Variants in MALRD1 observed in about 807,000 individuals in gnomAD.
The protein encoded by MALRD1 is MAM and LDL receptor class A domain containing 1.
In MALRD1, 247 loss-of-function variants were observed where a neutral mutation model predicts 242.1. That is an observed-to-expected ratio of 1.02 (90% CI 0.92 to 1.13). The LOEUF is 1.13. MALRD1 is among the 50% of genes most tolerant of loss of function. The pLI is 0.00. For synonymous variants in MALRD1, 995 were observed against 866.6 expected, an observed-to-expected ratio of 1.15 and a Z score of -2.60; for missense variants, 2,989 against 2,533.1, an observed-to-expected ratio of 1.18 and a Z score of -3.86.
chr10:19,299,161 A>T (rs1841835631), intron 21 of MALRD1, among the ~76,000 whole-genome samples: 1 of 152,000 alleles, frequency 6.6e-6, no homozygotes, highest in Non-Finnish European at 1.5e-5. Flanking sequence ...TATAGGCTAT[A>T]TGAAATAATA....
intron 28 of MALRD1, among the ~76,000 whole-genome samples, chr10:19,445,589 G>A (rs1382390576): frequency 6.6e-6 from 1 of 152,204 alleles, no homozygotes; most frequent in Admixed American, 6.5e-5. Context: ...CTGTTTACCT[G>A]GGTATCACCA....
At chr10:19,282,136 C>A (rs1009439884) in intron 20 of MALRD1, among the ~76,000 whole-genome samples, 1 of 151,980 alleles carries the variant, frequency 6.6e-6, no homozygotes, top group Non-Finnish European at 1.5e-5. Context: ...TATTAAAAGC[C>A]TACAAATTAT....
intron 29 of MALRD1, among the ~76,000 whole-genome samples, chr10:19,466,698 T>G (rs1836231235): frequency 6.6e-6 from 1 of 152,184 alleles, no homozygotes; most frequent in East Asian, 1.9e-4. Flanking sequence ...AGAAGTGTCT[T>G]GAATTTTTTA....
intron 11 of MALRD1, among the ~76,000 whole-genome samples, chr10:19,150,841 G>A (rs1833922095): frequency 6.6e-6 from 1 of 152,048 alleles, no homozygotes; most frequent in Non-Finnish European, 1.5e-5. Flanking sequence ...AATGTATCTA[G>A]CTGTTCCCCT....
intron 24 of MALRD1, among the ~76,000 whole-genome samples, chr10:19,336,899 A>G (rs1843637805): frequency 6.6e-6 from 1 of 152,148 alleles, no homozygotes; most frequent in Non-Finnish European, 1.5e-5. Context: ...AAACTATTTA[A>G]TTAATATATA....
At chr10:19,427,247 G>T (rs191700067) in intron 28 of MALRD1, among the ~76,000 whole-genome samples, 1 of 152,188 alleles carries the variant, frequency 6.6e-6, no homozygotes, top group Non-Finnish European at 1.5e-5. Flanking sequence ...ATGGGCATTT[G>T]GGTCTCAGTC....
chr10:19,290,086 G>A (rs1841335534), intron 21 of MALRD1: 1 of 152,148 alleles, frequency 6.6e-6, no homozygotes, highest in Non-Finnish European at 1.5e-5. Context: ...TTTTCACTGT[G>A]TAGTTGAGTC....
intron 4 of MALRD1, among the ~76,000 whole-genome samples, chr10:19,101,902 A>G (rs1293512725): frequency 7.3e-6 from 1 of 137,668 alleles, no homozygotes; most frequent in East Asian, 2.1e-4. Flanking sequence ...ATATTAATAT[A>G]TAATATATAT....
intron 11 of MALRD1, among the ~76,000 whole-genome samples, chr10:19,149,098 A>ATCTATCTG (rs1258557206): frequency 6.6e-6 from 1 of 151,376 alleles, no homozygotes; most frequent in Non-Finnish European, 1.5e-5. Context: ...CTATCTATCT[A>ATCTATCTG]TCTATCTATC....
chr10:19,270,962 T>C (rs368596356), intron 19 of MALRD1, among the ~76,000 whole-genome samples: 17 of 151,772 alleles, frequency 1.1e-4, no homozygotes, highest in African/African-American at 3.9e-4. Flanking sequence ...TGATGAAAAA[T>C]GGGAAACACA....
chr10:19,165,317 TG>T, intron 12 of MALRD1, among the ~76,000 whole-genome samples: 1 of 149,370 alleles, frequency 6.7e-6, no homozygotes, highest in Non-Finnish European at 1.5e-5. Context: ...TTTTGTTTTT[TG>T]AGATGGAGTC....
chr10:19,601,397 A>G lies in MALRD1; in HGVS notation c.5944+5940A>G, dbSNP rs569759937. Among the ~76,000 whole-genome samples, 33 of 152,124 alleles carry G rather than the reference A, an allele frequency of 2.2e-4. No individual in the cohort carries two copies. The East Asian group carries it at 3.7e-3, about 17-fold the overall frequency. On this transcript the variant is annotated intron_variant, in intron 34 of 39. Coordinates refer to ENST00000454679, the MANE Select transcript of MALRD1 (RefSeq NM_001142308.3). ...CTCAGATTATTTTCCTATATTCAGTACAATGTTATTTGCTTCATGGATGCC... is the reference window on the plus strand; with the variant it reads ...CTCAGATTATTTTCCTATATTCAGTGCAATGTTATTTGCTTCATGGATGCC...
intron 21 of MALRD1, among the ~76,000 whole-genome samples, chr10:19,291,841 T>C (rs1588863247): frequency 6.6e-6 from 1 of 152,084 alleles, no homozygotes; most frequent in East Asian, 1.9e-4. Context: ...TCCCAGCACT[T>C]TGGGAGGCTG....
At chr10:19,502,805 C>T (rs375208843) in intron 31 of MALRD1, among the ~76,000 whole-genome samples, 2 of 152,088 alleles carry the variant, frequency 1.3e-5, no homozygotes, top group East Asian at 1.9e-4. Flanking sequence ...GATACAAAAA[C>T]TGCAGGCTCA....
At chr10:19,595,168 A>G in intron 33 of MALRD1, 26 bp from the exon 34 acceptor site, 1 of 1,534,156 alleles carries the variant, frequency 6.5e-7, no homozygotes, top group Non-Finnish European at 8.8e-7. Context: ...TAATGCCAAA[A>G]TAACTTGACT....
At position 19,241,157 on chromosome 10, in the gene MALRD1, T is replaced by G. The variant is rs568169614; in HGVS notation, c.2992-16527T>G. The stretch of plus-strand genomic sequence containing the variant: ...AATTGGTAGTTATTCTTTAACTGTT[T>G]GGTAGAATTCAGCAGTGAAGACATC... On this transcript the variant is annotated intron_variant, in intron 18 of 39. Coordinates refer to ENST00000454679, the MANE Select transcript of MALRD1 (RefSeq NM_001142308.3). 2.5e-4 allele frequency among the ~76,000 whole-genome samples: 38 copies of G among 152,228 alleles called. 1 individual carries two copies. The South Asian group carries it at 7.7e-3, about 31-fold the overall frequency.
At chr10:19,500,344 GT>G (rs1837914428) in intron 31 of MALRD1, among the ~76,000 whole-genome samples, 1 of 152,206 alleles carries the variant, frequency 6.6e-6, no homozygotes, top group African/African-American at 2.4e-5. Flanking sequence ...ACTAAGGTCA[GT>G]AATTAGAAGG....
chr10:19,375,992 C>T (rs1259699945), intron 26 of MALRD1, among the ~76,000 whole-genome samples: 1 of 152,064 alleles, frequency 6.6e-6, no homozygotes, highest in Admixed American at 6.6e-5. Flanking sequence ...CGTGGTGATG[C>T]ACACCTGTAG....
At position 19,326,494 on chromosome 10, in the gene MALRD1, G is replaced by T. The variant is rs1354593052; in HGVS notation, c.3577-1069G>T. On this transcript the variant is annotated intron_variant, in intron 22 of 39. Transcript: ENST00000454679. ...ATTTTTTCTCAGTGATTTGTATATAGTGTGGTATTAATATAAAGAAGACTC... is the reference window on the plus strand; with the variant it reads ...ATTTTTTCTCAGTGATTTGTATATATTGTGGTATTAATATAAAGAAGACTC... Among the ~76,000 whole-genome samples the T allele has an allele frequency of 2.6e-5, 4 of 151,896 alleles. No homozygotes were observed. The East Asian group carries it at 5.8e-4, about 22-fold the overall frequency.
Sources: allele counts gnomAD v4.1 joint callset (sites outside exome capture counted in the v4.1 genomes callset), GRCh38; gene constraint gnomAD v4.1.1; transcripts MANE v1.5; gene names NCBI Gene and HGNC (gene_info 2026-07-23, HGNC 2026-07-21).